Variants in DHX58 observed in about 807,000 individuals in gnomAD.
The protein encoded by DHX58 is DExH-box helicase 58, also known as ATP-dependent RNA helicase DHX58.
A neutral mutation model predicts 65.0 loss-of-function variants in DHX58; 51 were observed. The ratio of observed to expected loss-of-function variants is 0.78; its 90% CI spans 0.63 to 0.99. The LOEUF (loss-of-function observed/expected upper bound fraction) is 0.99, where lower values mean the gene tolerates loss of function less well. Ranked by LOEUF, DHX58 falls within the 50% of genes least tolerant of loss-of-function variation. The probability of loss-of-function intolerance (pLI) is 0.00; values close to 1 mark genes in which losing one functional copy is unlikely to be tolerated. For synonymous variants in DHX58, 350 were observed against 365.0 expected, an observed-to-expected ratio of 0.96 and a Z score of 0.47; for missense variants, 773 against 891.8, an observed-to-expected ratio of 0.87 and a Z score of 1.70.
Position 42,105,166 on chromosome 17 carries a change from C to T in DHX58, c.1253G>A (p.Arg418Lys). ...CTTCTGGATCACTTCTTGCTGGTCCCTCTGCAGGCGGAGGGCAGGGAGGAG... is the reference window on the plus strand; with the variant it reads ...CTTCTGGATCACTTCTTGCTGGTCCTTCTGCAGGCGGAGGGCAGGGAGGAG... The part of the protein sequence containing the change: ...NSSQSTHMTQ[R>K]DQQEVIQKFQ... Residue 418 changes from arginine to lysine, a missense_variant and splice_region_variant, in exon 10 of 14, where the codon AGG becomes AAG. Coordinates refer to ENST00000251642, the MANE Select transcript of DHX58 (RefSeq NM_024119.3). 1 of 1,609,824 alleles carries T rather than the reference C, an allele frequency of 6.2e-7. No individual in the cohort carries two copies. Among genetic ancestry groups the T allele is most frequent in the Non-Finnish European group, 8.5e-7 (1 of 1,177,660 alleles).
chr17:42,101,891 C>T lies in DHX58; in HGVS notation c.1907G>A (p.Arg636His), dbSNP rs575052653. The T allele has an allele frequency of 2.4e-5, 39 of 1,614,192 alleles. No homozygotes were observed. Among genetic ancestry groups the T allele is most frequent in the Non-Finnish European group, 3.1e-5 (36 of 1,180,032 alleles). ...KSVKLPVLKV[R>H]SMLLETPQGR... ...CTGAGGGGTCTCCAGCAGCATGCTG[C>T]GGACTTTGAGCACTGGCAGCTTCAC... Residue 636 changes from arginine (R) to histidine (H), a missense_variant, in exon 14 of 14, where the codon CGC (arginine) becomes CAC (histidine). Physicochemically the swap from Arg to His is conservative, Grantham distance 29. Transcript: ENST00000251642.
intron 5 of DHX58, among the ~76,000 whole-genome samples, chr17:42,109,737 A>C (rs1373365320): frequency 2.6e-5 from 4 of 151,960 alleles, no homozygotes; most frequent in African/African-American, 9.7e-5. Context: ...TCTACTAAAA[A>C]TACAAAAATT....
At chr17:42,112,008 G>A in intron 2 of DHX58, 105 bp downstream of exon 2, 1 of 1,348,560 alleles carries the variant, frequency 7.4e-7, no homozygotes, top group South Asian at 1.5e-5. Context: ...CTTGAGGGAG[G>A]TGGGGCAGGA....
Position 42,101,788 on chromosome 17 carries a change from CT to C in DHX58, c.2009del (p.Glu670GlyfsTer70). On this transcript the variant is annotated frameshift_variant, in exon 14 of 14. Coordinates refer to ENST00000251642, the MANE Select transcript of DHX58 (RefSeq NM_024119.3). LOFTEE classifies it high-confidence loss of function. The part of the protein sequence containing the change: ...PDFDFLQHCA[E>X]NLSDLSLD ...AGTCCAGGGAGAGGTCCGACAAGTT[CT>C]CGGCACAATGCTGCAGGAAGTCAAA... The C allele has an allele frequency of 3.1e-6, 5 of 1,614,198 alleles. No individual in the cohort carries two copies. In the East Asian group the frequency reaches 1.1e-4, roughly 36 times the overall value.
At position 42,101,470 on chromosome 17, in the gene DHX58, GA is replaced by G; in HGVS notation, c.*290del. The G allele has an allele frequency of 3.3e-6, 1 of 302,040 alleles. No individual in the cohort carries two copies. The highest frequency in any genetic ancestry group is 6.1e-6 in the Non-Finnish European group (1 of 164,738). The allele number at this position is 302,040 out of a possible 1,614,324, so 18.7% of individuals were successfully genotyped here. On this transcript the variant is annotated 3_prime_UTR_variant, in exon 14 of 14. Coordinates refer to ENST00000251642, the MANE Select transcript of DHX58 (RefSeq NM_024119.3). ...AAAAAATAGAAGTGGCCTTGGTAGG[GA>G]AGGAATGTCGTGATTCTGAGTACAG...
rs562648888 is a variant in DHX58, at chr17:42,109,439, T to G, written c.562-53A>C. On this transcript the variant is annotated intron_variant, in intron 5 of 13. Coordinates refer to ENST00000251642, the MANE Select transcript of DHX58 (RefSeq NM_024119.3). Reference sequence around the variant, plus strand: ...AAGGGAGGGTCTGTGGGGACAATGGTCAAAGATTTGGGGCAGGATGGATCC... The same window carrying G: ...AAGGGAGGGTCTGTGGGGACAATGGGCAAAGATTTGGGGCAGGATGGATCC... 3.2e-4 allele frequency: 482 copies of G among 1,505,130 alleles called. 2 individuals carry two copies. In the African/African-American group the frequency reaches 5.7e-3, roughly 18 times the overall value. The allele number at this position is 1,505,130 out of a possible 1,614,324, so 93.2% of individuals were successfully genotyped here.
Position 42,101,582 on chromosome 17 carries a change from A to G in DHX58, c.*179T>C, listed in dbSNP as rs1555661512. Reference sequence around the variant, plus strand: ...TGTGCGTACAAGGTAGGTCTGGACTAAGCTCTGGCCCTCCGGTTGTTTTCC... The same window carrying G: ...TGTGCGTACAAGGTAGGTCTGGACTGAGCTCTGGCCCTCCGGTTGTTTTCC... On this transcript the variant is annotated 3_prime_UTR_variant, in exon 14 of 14. Transcript: ENST00000251642. The G allele has an allele frequency of 1.4e-6, 1 of 735,578 alleles. No homozygotes were observed. The highest frequency in any genetic ancestry group is 2.2e-6 in the Non-Finnish European group (1 of 452,216). The allele number at this position is 735,578 out of a possible 1,614,324, so 45.6% of individuals were successfully genotyped here.
At position 42,105,796 on chromosome 17, in the gene DHX58, G is replaced by C. The variant is rs782246634; in HGVS notation, c.1191C>G (p.Asp397Glu). 1 of 1,613,106 alleles carries C rather than the reference G, an allele frequency of 6.2e-7. No homozygotes were observed. The highest frequency in any genetic ancestry group is 1.3e-5 in the African/African-American group (1 of 75,036). Residue 397 changes from aspartate to glutamate, a missense_variant, in exon 9 of 14, where the codon GAC becomes GAG. Coordinates refer to ENST00000251642, the MANE Select transcript of DHX58 (RefSeq NM_024119.3). The part of the protein sequence containing the change: ...LQQQQGLQTV[D>E]IRAQLLIGAG... ...CCCCAATCAGTAGCTGGGCCCGGAT[G>C]TCCACAGTCTGCAGGCCCTGCTGCT...
chr17:42,105,469 G>A (rs527770762), intron 9 of DHX58, among the ~76,000 whole-genome samples: 8 of 151,730 alleles, frequency 5.3e-5, no homozygotes, highest in African/African-American at 1.9e-4. Context: ...GTGCCCTGAG[G>A]AACTGCATCA....
At chr17:42,101,992 A>G in intron 13 of DHX58, 46 bp from the exon 14 acceptor site, 1 of 1,556,588 alleles carries the variant, frequency 6.4e-7, no homozygotes, top group South Asian at 1.2e-5. Context: ...CTGGCCTCAG[A>G]CTGGGCTTCT....
At chr17:42,103,942 C>T in intron 11 of DHX58, 144 bp from the exon 12 acceptor site, 9 of 929,760 alleles carry the variant, frequency 9.7e-6, no homozygotes, top group Non-Finnish European at 1.4e-5. Flanking sequence ...AGCTCTATTG[C>T]TGTGATGATG....
intron 5 of DHX58, 31 bp from the exon 6 acceptor site, chr17:42,109,417 G>A (rs1555663612): frequency 6.3e-7 from 1 of 1,590,652 alleles, no homozygotes; most frequent in Non-Finnish European, 8.6e-7. Flanking sequence ...TACTGGAAAG[G>A]GAGGGTCTGT....
chr17:42,109,450 G>T, intron 5 of DHX58, 64 bp from the exon 6 acceptor site: 1 of 1,384,958 alleles, frequency 7.2e-7, no homozygotes. Flanking sequence ...CAAAGATTTG[G>T]GGCAGGATGG....
chr17:42,110,614 T>A, intron 5 of DHX58, 109 bp downstream of exon 5: 1 of 1,275,146 alleles, frequency 7.8e-7, no homozygotes, highest in South Asian at 1.5e-5. Context: ...GACCCTGCCA[T>A]GGAGAGCCTG....
chr17:42,102,093 T>A, intron 13 of DHX58, 123 bp downstream of exon 13: 1 of 1,433,944 alleles, frequency 7.0e-7, no homozygotes, highest in Non-Finnish European at 9.6e-7. Context: ...GGGCTGGACC[T>A]CCCTCTTCAG....
Position 42,107,599 on chromosome 17 carries a change from CTCA to C in DHX58, c.997+2_997+4del. 6.3e-7 allele frequency: 1 copy of C among 1,584,660 alleles called. No individual in the cohort carries two copies. Among genetic ancestry groups the C allele is most frequent in the Middle Eastern group, 1.7e-4 (1 of 5,862 alleles). The stretch of plus-strand genomic sequence containing the variant: ...CCGGCCCCGAAGCCCCCTCCCGCCC[CTCA>C]CCATCGAACAGGGCCAGCAGCCGGC... On this transcript the variant is annotated splice_donor_variant and splice_donor_region_variant and intron_variant, in intron 8 of 13. Transcript: ENST00000251642. LOFTEE classifies it high-confidence loss of function.
chr17:42,102,279 G>T lies in DHX58; in HGVS notation c.1788C>A (p.Val596=). ...NYYNVSRDPV[V]INKVFKDWKP... is the part of the protein sequence containing the mutation. ...TCCAGTCCTTGAAGACTTTGTTGAT[G>T]ACCACAGGATCCCTGGAGACATTAT... The change falls in exon 13 of 14, where the codon GTC becomes GTA. Residue 596 remains valine (V), a synonymous_variant. Coordinates refer to ENST00000251642, the MANE Select transcript of DHX58 (RefSeq NM_024119.3). 6.2e-7 allele frequency: 1 copy of T among 1,614,154 alleles called. No individual in the cohort carries two copies. The highest frequency in any genetic ancestry group is 1.1e-5 in the South Asian group (1 of 91,070).
At chr17:42,107,817 T>C (rs1319428468) in intron 7 of DHX58, 22 bp from the exon 8 acceptor site, 1 of 1,553,180 alleles carries the variant, frequency 6.4e-7, no homozygotes, top group Non-Finnish European at 8.7e-7. Context: ...GGGCGCAGGG[T>C]CTGAGCAGCC....
chr17:42,105,412 A>G (rs1313211190), intron 9 of DHX58, among the ~76,000 whole-genome samples: 3 of 151,920 alleles, frequency 2.0e-5, no homozygotes, highest in Non-Finnish European at 4.4e-5. Flanking sequence ...AGTCTAGGAA[A>G]AACTCTCAAG....
Sources: gnomAD v4.1 joint callset for allele counts (sites outside exome capture counted in the v4.1 genomes callset) on GRCh38, gnomAD v4.1.1 for gene constraint, MANE v1.5 for transcripts, NCBI Gene and HGNC (gene_info 2026-07-23, HGNC 2026-07-21) for gene names.